XNDC1N: variants seen among roughly 807,000 people sequenced by gnomAD.
XNDC1N encodes the protein protein XNDC1N.
chr11:71,913,340 T>C, the XNDC1N span, among the ~76,000 whole-genome samples: 1 of 151,684 alleles, frequency 6.6e-6, no homozygotes, highest in African/African-American at 2.4e-5. Flanking sequence ...CCCTGCGATA[T>C]TGGGAGTAAG....
At chr11:71,877,336 G>C in the XNDC1N span, among the ~76,000 whole-genome samples, 1 of 152,252 alleles carries the variant, frequency 6.6e-6, no homozygotes, top group Non-Finnish European at 1.5e-5. Context: ...GTACTTTGCA[G>C]TCTCTGAAGT....
chr11:71,896,677 C>T, the XNDC1N span, among the ~76,000 whole-genome samples: 13 of 152,226 alleles, frequency 8.5e-5, no homozygotes, highest in African/African-American at 3.1e-4. Context: ...GATTCTCCTG[C>T]CTCCACCTCC....
At chr11:71,905,887 C>T in the XNDC1N span, among the ~76,000 whole-genome samples, 1 of 151,976 alleles carries the variant, frequency 6.6e-6, no homozygotes, top group Non-Finnish European at 1.5e-5. Flanking sequence ...CCACTGTGAT[C>T]ATTAAAGTAA....
the XNDC1N span, among the ~76,000 whole-genome samples, chr11:71,914,862 A>G: frequency 6.6e-6 from 1 of 152,210 alleles, no homozygotes; most frequent in East Asian, 1.9e-4. Context: ...TGCTGCAAAC[A>G]TTATTGAAAT....
the XNDC1N span, among the ~76,000 whole-genome samples, chr11:71,924,674 A>G: frequency 6.6e-6 from 1 of 151,680 alleles, no homozygotes; most frequent in African/African-American, 2.4e-5. Flanking sequence ...ACAGAGCGAG[A>G]CTCCGTCTCA....
chr11:71,906,434 A>T, the XNDC1N span, among the ~76,000 whole-genome samples: 8,414 of 152,160 alleles, frequency 0.055, 275 homozygotes, highest in African/African-American at 0.1. Flanking sequence ...ACACAGGGAG[A>T]ACACGCTGTG....
At chr11:71,887,531 C>G in the XNDC1N span, among the ~76,000 whole-genome samples, 1 of 151,318 alleles carries the variant, frequency 6.6e-6, no homozygotes, top group South Asian at 2.1e-4. Context: ...AAGCGGTGGC[C>G]AAGAGTATGG....
chr11:71,910,611 C>G, the XNDC1N span, among the ~76,000 whole-genome samples: 1 of 152,160 alleles, frequency 6.6e-6, no homozygotes, highest in East Asian at 1.9e-4. Context: ...ACACCGGCAC[C>G]TGGAGGACTG....
At chr11:71,911,834 G>A in the XNDC1N span, among the ~76,000 whole-genome samples, 3 of 152,270 alleles carry the variant, frequency 2.0e-5, no homozygotes, top group Admixed American at 6.5e-5. Context: ...GGGAATTCCC[G>A]CGCTGACTCA....
the XNDC1N span, among the ~76,000 whole-genome samples, chr11:71,896,106 C>T: frequency 1.8e-3 from 272 of 152,296 alleles, no homozygotes; most frequent in Middle Eastern, 6.8e-3. Flanking sequence ...GATGAAACCC[C>T]GTCTCCACGG....
the XNDC1N span, chr11:71,893,421 T>C: frequency 8.4e-6 from 6 of 710,950 alleles, no homozygotes; most frequent in Non-Finnish European, 1.6e-5. Flanking sequence ...TTTTTATCTT[T>C]TATTTTTCCA....
the XNDC1N span, among the ~76,000 whole-genome samples, chr11:71,919,838 C>T: frequency 2.8e-5 from 4 of 142,298 alleles, no homozygotes; most frequent in South Asian, 2.3e-4. Flanking sequence ...AGGATGGTCT[C>T]GATCTCCTGA....
At chr11:71,884,277 T>A in the XNDC1N span, 410 of 1,114,368 alleles carry the variant, frequency 3.7e-4, no homozygotes, top group Admixed American at 9.4e-4. Flanking sequence ...TCTCTTGCAT[T>A]CTTTTGCTGT....
At chr11:71,923,459 G>A in the XNDC1N span, 1 of 666,368 alleles carries the variant, frequency 1.5e-6, no homozygotes, top group African/African-American at 1.8e-5. Flanking sequence ...AGAAAAGCAA[G>A]AATCCTCACA....
At chr11:71,873,164 C>T in the XNDC1N span, among the ~76,000 whole-genome samples, 1 of 151,922 alleles carries the variant, frequency 6.6e-6, no homozygotes, top group African/African-American at 2.4e-5. Flanking sequence ...CAGTTTTTTT[C>T]TATTTATTTT....
At chr11:71,918,516 A>G in the XNDC1N span, among the ~76,000 whole-genome samples, 1 of 152,178 alleles carries the variant, frequency 6.6e-6, no homozygotes, top group Admixed American at 6.5e-5. Context: ...TCCTGGGCTC[A>G]AGGGATCCTC....
At chr11:71,887,196 G>C in the XNDC1N span, among the ~76,000 whole-genome samples, 7 of 152,230 alleles carry the variant, frequency 4.6e-5, no homozygotes, top group East Asian at 9.7e-4. Flanking sequence ...TAACCGCCCC[G>C]GTCGCCCGGT....
chr11:71,900,150 C>T, the XNDC1N span, among the ~76,000 whole-genome samples: 1 of 152,238 alleles, frequency 6.6e-6, no homozygotes, highest in Admixed American at 6.5e-5. Context: ...CTTATTATCA[C>T]CCTGCCCTCC....
chr11:71,873,157 T>G, the XNDC1N span, among the ~76,000 whole-genome samples: 3 of 146,556 alleles, frequency 2.0e-5, no homozygotes, highest in Admixed American at 6.8e-5. Context: ...TTTGTTTCAG[T>G]TTTTTTCTAT....
Sources: allele counts gnomAD v4.1 joint callset (sites outside exome capture counted in the v4.1 genomes callset), GRCh38; gene constraint gnomAD v4.1.1; transcripts MANE v1.5; gene names NCBI Gene and HGNC (gene_info 2026-07-23, HGNC 2026-07-21).